Variants in KCNQ1 observed in about 807,000 individuals in gnomAD.
The protein encoded by KCNQ1 is potassium voltage-gated channel subfamily KQT member 1.
In KCNQ1, 49 loss-of-function variants were observed where a neutral mutation model predicts 72.4. The observed-to-expected ratio is 0.68, with a 90% confidence interval of 0.54 to 0.86. The LOEUF (loss-of-function observed/expected upper bound fraction) is 0.86, where lower values mean the gene tolerates loss of function less well. KCNQ1 is among the 40% of genes least tolerant of loss of function. The probability of loss-of-function intolerance (pLI) is 0.00; values close to 1 mark genes in which losing one functional copy is unlikely to be tolerated. For synonymous variants in KCNQ1, 450 were observed against 412.6 expected (o/e 1.09, Z -1.10); for missense variants, 790 against 945.1 (o/e 0.84, Z 2.15).
rs900469302 is a variant in KCNQ1 at position 2,676,663 on chromosome 11, G to A, written c.1514+14582G>A. ...CAGATAGATAGTTCATTAAGGTCTTGAGTATTTCCAAGGGAGCACTAACTG... is the reference window on the plus strand; with the variant it reads ...CAGATAGATAGTTCATTAAGGTCTTAAGTATTTCCAAGGGAGCACTAACTG... On this transcript the variant is annotated intron_variant, in intron 11 of 15. Transcript: ENST00000155840. The surrounding 1 kb of genome is among the most constrained non-coding windows in gnomAD (Gnocchi z 4.2). 2.5e-6 allele frequency: 1 copy of A among 398,664 alleles called. No individual in the cohort carries two copies. Among genetic ancestry groups the A allele is most frequent in the Non-Finnish European group, 4.4e-6 (1 of 226,072 alleles). 24.7% of individuals were successfully genotyped at this position (398,664 alleles called of 1,614,324 possible). A position where few individuals can be genotyped will look rare whatever the true frequency, so the allele number is the denominator to read the frequency against.
intron 15 of KCNQ1, among the ~76,000 whole-genome samples, chr11:2,841,468 G>A (rs1441679790): frequency 6.6e-6 from 1 of 152,174 alleles, no homozygotes; most frequent in Non-Finnish European, 1.5e-5. Context: ...CCTGGGCAAG[G>A]GGCATGGGGG....
chr11:2,476,271 C>T (rs718579), intron 1 of KCNQ1, among the ~76,000 whole-genome samples: 64,187 of 151,880 alleles, frequency 0.42, 16,301 homozygotes, highest in Non-Finnish European at 0.59. Flanking sequence ...CTGATTTCAA[C>T]GTATGTTTAA....
rs978595685 is a variant in KCNQ1, at chr11:2,713,916, C to T, written c.1514+51835C>T. ...AGACACGATGGCCCAGCACGCCGCT[C>T]ACTGCCGCGCCTTTGTTCTCTGCTT... On this transcript the variant is annotated intron_variant, in intron 11 of 15. Transcript: ENST00000155840. The surrounding 1 kb of genome is among the most constrained non-coding windows in gnomAD (Gnocchi z 5.6). Among the ~76,000 whole-genome samples the T allele has an allele frequency of 6.6e-6, 1 of 152,276 alleles. No individual in the cohort carries two copies. Among genetic ancestry groups the T allele is most frequent in the African/African-American group, 2.4e-5 (1 of 41,474 alleles).
rs1041764317 is a variant in KCNQ1 at position 2,710,870 on chromosome 11, A to G, written c.1514+48789A>G. On this transcript the variant is annotated intron_variant, in intron 11 of 15. Coordinates refer to ENST00000155840, the MANE Select transcript of KCNQ1 (RefSeq NM_000218.3). This position sits in a 1 kb window ranked among gnomAD's most constrained non-coding sequence, Gnocchi z 4.1. ...CTTATGCCAGTACTATATCGTCTTG[A>G]TTGTTATAGCTTTGTAGTGAGTTTT... 3.9e-5 allele frequency among the ~76,000 whole-genome samples: 6 copies of G among 152,126 alleles called. No homozygotes were observed. The highest frequency in any genetic ancestry group is 1.4e-4 in the African/African-American group (6 of 41,408).
intron 11 of KCNQ1, among the ~76,000 whole-genome samples, chr11:2,719,041 C>G (rs530896605): frequency 6.6e-6 from 1 of 152,368 alleles, no homozygotes; most frequent in Non-Finnish European, 1.5e-5. Flanking sequence ...TGTGACCCCC[C>G]TCCCGCCCCT....
Position 2,849,030 on chromosome 11 carries a change from C to A in KCNQ1, c.*1027C>A, listed in dbSNP as rs1249622963. ...ACTGCTCTCACCTTGGTTCCTGGGG[C>A]ATCCATGGGGTCTCTCACAGACAGG... On this transcript the variant is annotated 3_prime_UTR_variant, in exon 16 of 16. Coordinates refer to ENST00000155840, the MANE Select transcript of KCNQ1 (RefSeq NM_000218.3). The A allele has an allele frequency of 1.1e-5, 5 of 454,054 alleles. No individual in the cohort carries two copies. The allele number at this position is 454,054 out of a possible 1,614,324, so 28.1% of individuals were successfully genotyped here. A position where few individuals can be genotyped will look rare whatever the true frequency, so the allele number is the denominator to read the frequency against.
At chr11:2,742,324 G>A (rs1444716354) in intron 11 of KCNQ1, among the ~76,000 whole-genome samples, 2 of 152,206 alleles carry the variant, frequency 1.3e-5, no homozygotes, top group Non-Finnish European at 2.9e-5. Context: ...AGATACATCA[G>A]CTACAATGAG....
intron 10 of KCNQ1, chr11:2,660,803 A>G: frequency 2.5e-6 from 1 of 398,620 alleles, no homozygotes; most frequent in Non-Finnish European, 4.4e-6. Context: ...ATCTAGCAAC[A>G]TTTATTAAAA....
intron 1 of KCNQ1, among the ~76,000 whole-genome samples, chr11:2,455,929 A>C (rs758820206): frequency 2.6e-5 from 4 of 152,244 alleles, no homozygotes; most frequent in Non-Finnish European, 4.4e-5. Context: ...AAAATCAACA[A>C]AAATATGCCA....
intron 11 of KCNQ1, chr11:2,686,576 A>C (rs1356538274): frequency 2.5e-6 from 1 of 398,676 alleles, no homozygotes; most frequent in Non-Finnish European, 4.4e-6. Context: ...AGCTGTGGTG[A>C]CTAGAATGGC....
At position 2,451,084 on chromosome 11, in the gene KCNQ1, G is replaced by A. The variant is rs963339003; in HGVS notation, c.386+5600G>A. Among the ~76,000 whole-genome samples the A allele has an allele frequency of 1.4e-4, 22 of 152,280 alleles. No individual in the cohort carries two copies. The highest frequency in any genetic ancestry group is 5.3e-4 in the African/African-American group (22 of 41,554). On this transcript the variant is annotated intron_variant, in intron 1 of 15. Coordinates refer to ENST00000155840, the MANE Select transcript of KCNQ1 (RefSeq NM_000218.3). The surrounding 1 kb of genome is among the most constrained non-coding windows in gnomAD (Gnocchi z 6.4). ...GCTTCCAGAAGGATCCAGGTTAAGG[G>A]TGGTGGGTCCAAGGGGGTGCCTGAG...
intron 10 of KCNQ1, chr11:2,650,005 G>C: frequency 2.5e-6 from 1 of 398,258 alleles, no homozygotes. Context: ...TTTTAAATCT[G>C]TCTGGTTTAT....
rs1489523871 is a variant in KCNQ1, at chr11:2,593,657, G to A, written c.1393+4803G>A. Reference sequence around the variant, plus strand: ...GTCTGGGGACTCATCGTTCACACTCGTGTGTGTGCTTTCTGGAGGCATGCG... The same window carrying A: ...GTCTGGGGACTCATCGTTCACACTCATGTGTGTGCTTTCTGGAGGCATGCG... On this transcript the variant is annotated intron_variant, in intron 10 of 15. Coordinates refer to ENST00000155840, the MANE Select transcript of KCNQ1 (RefSeq NM_000218.3). The surrounding 1 kb of genome is among the most constrained non-coding windows in gnomAD (Gnocchi z 6.9). Among the ~76,000 whole-genome samples, 2 of 152,112 alleles carry A rather than the reference G, an allele frequency of 1.3e-5. No individual in the cohort carries two copies. The highest frequency in any genetic ancestry group is 2.9e-5 in the Non-Finnish European group (2 of 68,018).
At chr11:2,842,601 G>A (rs1256542183) in intron 15 of KCNQ1, among the ~76,000 whole-genome samples, 2 of 152,152 alleles carry the variant, frequency 1.3e-5, no homozygotes, top group African/African-American at 2.4e-5. Context: ...AGGGTGCAGG[G>A]TGGTTCCTGC....
Position 2,577,410 on chromosome 11 carries a change from C to T in KCNQ1, c.921+4424C>T, listed in dbSNP as rs369275220. On this transcript the variant is annotated intron_variant, in intron 6 of 15. Coordinates refer to ENST00000155840, the MANE Select transcript of KCNQ1 (RefSeq NM_000218.3). ...AGCTGAGACCTCAAGACACAGTCAC[C>T]TGGGCCACCTTCCGGCAGGGCGCTG... 2.6e-5 allele frequency among the ~76,000 whole-genome samples: 4 copies of T among 152,296 alleles called. No homozygotes were observed. The East Asian group carries it at 7.7e-4, about 29-fold the overall frequency.
In KCNQ1 at chr11:2,492,223, A is replaced by C. The variant is rs1846847464; in HGVS notation, c.387-35705A>C. Among the ~76,000 whole-genome samples the C allele has an allele frequency of 6.6e-6, 1 of 152,120 alleles. No individual in the cohort carries two copies. Among genetic ancestry groups the C allele is most frequent in the South Asian group, 2.1e-4 (1 of 4,818 alleles). Reference sequence around the variant, plus strand: ...TGGTGTGTAAACTACTCATATATTAAGTAGAAGGATGAAAAGAAGAACTGA... The same window carrying C: ...TGGTGTGTAAACTACTCATATATTACGTAGAAGGATGAAAAGAAGAACTGA... On this transcript the variant is annotated intron_variant, in intron 1 of 15. Transcript: ENST00000155840. The surrounding 1 kb of genome is among the most constrained non-coding windows in gnomAD (Gnocchi z 4.1).
rs1195592950 is a variant in KCNQ1, at chr11:2,748,981, G to C, written c.1515-19863G>C. Among the ~76,000 whole-genome samples the C allele has an allele frequency of 6.6e-6, 1 of 152,254 alleles. No individual in the cohort carries two copies. Among genetic ancestry groups the C allele is most frequent in the Non-Finnish European group, 1.5e-5 (1 of 68,050 alleles). On this transcript the variant is annotated intron_variant, in intron 11 of 15. Transcript: ENST00000155840. This position sits in a 1 kb window ranked among gnomAD's most constrained non-coding sequence, Gnocchi z 6.2. ...TGACGTGAGCTATTCAAAATGGCGG[G>C]AGGGGCGAGGCCTCTGGAGCAAGGA...
In KCNQ1 at chr11:2,471,225, T is replaced by G. The variant is rs1846449462; in HGVS notation, c.386+25741T>G. On this transcript the variant is annotated intron_variant, in intron 1 of 15. Transcript: ENST00000155840. This position sits in a 1 kb window ranked among gnomAD's most constrained non-coding sequence, Gnocchi z 4.8. ...GGACCTAGGACTCTGAACCTCCAAC[T>G]GGTGTGGCTTCAGGGTCCCCAACTT... is the stretch of plus-strand genomic sequence containing the variant. Among the ~76,000 whole-genome samples the G allele has an allele frequency of 6.6e-6, 1 of 152,126 alleles. No individual in the cohort carries two copies. Among genetic ancestry groups the G allele is most frequent in the South Asian group, 2.1e-4 (1 of 4,826 alleles).
rs1342084610 is a variant in KCNQ1, at chr11:2,673,819, C to G, written c.1514+11738C>G. 1 of 398,562 alleles carries G rather than the reference C, an allele frequency of 2.5e-6. No individual in the cohort carries two copies. The highest frequency in any genetic ancestry group is 4.4e-6 in the Non-Finnish European group (1 of 226,158). 24.7% of individuals were successfully genotyped at this position (398,562 alleles called of 1,614,324 possible). A position where few individuals can be genotyped will look rare whatever the true frequency, so the allele number is the denominator to read the frequency against. On this transcript the variant is annotated intron_variant, in intron 11 of 15. Transcript: ENST00000155840. This position sits in a 1 kb window ranked among gnomAD's most constrained non-coding sequence, Gnocchi z 4.5. ...CAGTGATGGCCCTTCAATCCCAGGC[C>G]CACAAGCACCACAGCCAGGAGAGTC...
Sources: gnomAD v4.1 joint callset for allele counts (sites outside exome capture counted in the v4.1 genomes callset) on GRCh38, gnomAD v4.1.1 for gene constraint, Gnocchi (gnomAD v3.1) non-coding constraint, MANE v1.5 for transcripts, NCBI Gene and HGNC (gene_info 2026-07-23, HGNC 2026-07-21) for gene names.